DCAF6: variants seen among roughly 807,000 people sequenced by gnomAD.
DCAF6 encodes the protein DDB1 and CUL4 associated factor 6.
Under a neutral mutation model 125.1 loss-of-function variants are expected in DCAF6, and 54 were observed. That is an observed-to-expected ratio of 0.43 (90% CI 0.35 to 0.54). The LOEUF (loss-of-function observed/expected upper bound fraction) is 0.54. DCAF6 is among the 20% of genes least tolerant of loss of function. The probability of loss-of-function intolerance (pLI) is 0.01; values close to 1 mark genes in which losing one functional copy is unlikely to be tolerated. For synonymous variants in DCAF6, 371 were observed against 390.4 expected (o/e 0.95, Z 0.58); for missense variants, 934 against 1,161.7 (o/e 0.80, Z 2.85).
At position 168,034,920 on chromosome 1, in the gene DCAF6, A is replaced by G. The variant is rs1687601847; in HGVS notation, c.1610-3451A>G. 2.6e-5 allele frequency among the ~76,000 whole-genome samples: 4 copies of G among 152,190 alleles called. No homozygotes were observed. In the South Asian group the frequency reaches 8.3e-4, roughly 31 times the overall value. On this transcript the variant is annotated intron_variant, in intron 12 of 21. Coordinates refer to ENST00000367840, the MANE Select transcript of DCAF6 (RefSeq NM_001198956.2). Reference sequence around the variant, plus strand: ...CAATTTTTTTTCAAATAAAGTAAAAATATTTAATTTTTAAAATCATTAAAG... The same window carrying G: ...CAATTTTTTTTCAAATAAAGTAAAAGTATTTAATTTTTAAAATCATTAAAG...
At chr1:168,039,663 A>AATTAATAT (rs201706480) in intron 13 of DCAF6, among the ~76,000 whole-genome samples, 4 of 147,608 alleles carry the variant, frequency 2.7e-5, no homozygotes, top group African/African-American at 4.9e-5. Flanking sequence ...AATTATTCAT[A>AATTAATAT]ATTAATATAT....
chr1:167,950,401 A>G (rs999168574), intron 1 of DCAF6, among the ~76,000 whole-genome samples: 2 of 152,218 alleles, frequency 1.3e-5, no homozygotes, highest in African/African-American at 2.4e-5. Context: ...TCATGAAAAC[A>G]TGTTACTGAA....
At chr1:167,892,235 G>A in the DCAF6 span, among the ~76,000 whole-genome samples, 3 of 152,170 alleles carry the variant, frequency 2.0e-5, no homozygotes. Flanking sequence ...GCTTCCCAAA[G>A]TGCTGGGATT....
chr1:167,943,234 TTA>T (rs1448261535), intron 1 of DCAF6, among the ~76,000 whole-genome samples: 2 of 152,148 alleles, frequency 1.3e-5, no homozygotes, highest in South Asian at 2.1e-4. Flanking sequence ...TTAAAAAAAT[TTA>T]TAGTTATCCT....
At chr1:168,033,481 AATTTTTTGT>A (rs1687399867) in intron 12 of DCAF6, among the ~76,000 whole-genome samples, 1 of 150,728 alleles carries the variant, frequency 6.6e-6, no homozygotes, top group African/African-American at 2.4e-5. Flanking sequence ...GCGCCCGGCT[AATTTTTTGT>A]ATTTTTTTAG....
Position 167,991,298 on chromosome 1 carries a change from T to C in DCAF6, c.647T>C (p.Val216Ala), listed in dbSNP as rs772549706. ...GCTGTTGGTTGTTCTGACAGCTCAG[T>C]ACGAATATATGATCGGCGAATGCTG... Reference protein sequence around the residue: ...YLAVGCSDSSVRIYDRRMLGT... With the variant: ...YLAVGCSDSSARIYDRRMLGT... The change falls in exon 6 of 22, where the codon GTA (valine) becomes GCA (alanine). Residue 216 changes from valine (V) to alanine (A), a missense_variant. Physicochemically the swap from Val to Ala is moderately conservative, Grantham distance 64. Transcript: ENST00000367840. The C allele has an allele frequency of 4.3e-6, 7 of 1,613,514 alleles. No individual in the cohort carries two copies. Among genetic ancestry groups the C allele is most frequent in the Admixed American group, 1.7e-5 (1 of 59,962 alleles).
the DCAF6 span, chr1:167,880,354 G>C: frequency 4.2e-6 from 4 of 956,730 alleles, no homozygotes; most frequent in South Asian, 5.3e-5. Flanking sequence ...CCGGAGATGC[G>C]AAGGAGGAAC....
chr1:168,054,619 C>CTCT (rs902957612), intron 17 of DCAF6, among the ~76,000 whole-genome samples: 4 of 151,874 alleles, frequency 2.6e-5, no homozygotes, highest in Non-Finnish European at 4.4e-5. Context: ...TTTTTCTAGA[C>CTCT]TCTTACTTAT....
the DCAF6 span, among the ~76,000 whole-genome samples, chr1:167,874,933 G>C: frequency 6.6e-6 from 1 of 152,172 alleles, no homozygotes; most frequent in African/African-American, 2.4e-5. Context: ...GTAATCGAGG[G>C]TGTTAGAAGA....
chr1:168,060,154 T>A (rs898406581), intron 17 of DCAF6, among the ~76,000 whole-genome samples: 1 of 152,188 alleles, frequency 6.6e-6, no homozygotes, highest in African/African-American at 2.4e-5. Context: ...TTCTATTATT[T>A]GTATTAATTG....
At chr1:168,040,221 T>C (rs1487513504) in intron 13 of DCAF6, among the ~76,000 whole-genome samples, 3 of 151,828 alleles carry the variant, frequency 2.0e-5, no homozygotes, top group Non-Finnish European at 4.4e-5. Context: ...GTACAAAGAC[T>C]CTGAAGCAGA....
At chr1:167,889,931 C>T in the DCAF6 span, among the ~76,000 whole-genome samples, 13 of 152,100 alleles carry the variant, frequency 8.5e-5, no homozygotes, top group African/African-American at 3.1e-4. Flanking sequence ...CTCTTCTGTT[C>T]TTAGTTAACA....
intron 16 of DCAF6, among the ~76,000 whole-genome samples, chr1:168,045,899 G>A (rs1689104925): frequency 6.6e-6 from 1 of 151,984 alleles, no homozygotes; most frequent in Non-Finnish European, 1.5e-5. Context: ...TCTATTATTA[G>A]TGCTATCATA....
chr1:167,974,706 A>G, intron 3 of DCAF6, 124 bp from the exon 4 acceptor site: 3 of 669,428 alleles, frequency 4.5e-6, no homozygotes, highest in Non-Finnish European at 6.8e-6. Context: ...CTTGCAGTCT[A>G]GTGATAATCT....
At chr1:167,921,240 TTTTA>T in the DCAF6 span, among the ~76,000 whole-genome samples, 1 of 152,072 alleles carries the variant, frequency 6.6e-6, no homozygotes, top group Non-Finnish European at 1.5e-5. Flanking sequence ...ATTTTTTTTT[TTTTA>T]GACAGTCTCA....
chr1:168,000,972 A>T (rs1682530667), intron 7 of DCAF6, among the ~76,000 whole-genome samples: 1 of 152,156 alleles, frequency 6.6e-6, no homozygotes, highest in African/African-American at 2.4e-5. Flanking sequence ...AAAATTATGA[A>T]TATTATGGTA....
intron 17 of DCAF6, among the ~76,000 whole-genome samples, chr1:168,061,002 G>A (rs890030429): frequency 2.0e-5 from 3 of 152,164 alleles, no homozygotes; most frequent in African/African-American, 7.2e-5. Context: ...CTTAGCAAAA[G>A]AGTTTTTTCT....
chr1:168,014,163 C>G (rs897031681), intron 10 of DCAF6, among the ~76,000 whole-genome samples: 5 of 152,180 alleles, frequency 3.3e-5, no homozygotes, highest in African/African-American at 1.2e-4. Context: ...TCCCCTTTCT[C>G]TTAAACCTGC....
chr1:167,904,455 CA>C, the DCAF6 span, among the ~76,000 whole-genome samples: 1 of 152,078 alleles, frequency 6.6e-6, no homozygotes, highest in African/African-American at 2.4e-5. Context: ...GTCAGACATG[CA>C]GCCTCCTCTA....
Sources: gnomAD v4.1 joint callset for allele counts (sites outside exome capture counted in the v4.1 genomes callset) on GRCh38, gnomAD v4.1.1 for gene constraint, MANE v1.5 for transcripts, NCBI Gene and HGNC (gene_info 2026-07-23, HGNC 2026-07-21) for gene names.